Variants in CDKAL1 observed in about 807,000 individuals in gnomAD.
CDKAL1 encodes CDKAL1 threonylcarbamoyladenosine tRNA methylthiotransferase.
Under a neutral mutation model 68.2 loss-of-function variants are expected in CDKAL1, and 32 were observed. That is an observed-to-expected ratio of 0.47 (90% CI 0.35 to 0.63). The LOEUF is 0.63. CDKAL1 is among the 30% of genes least tolerant of loss of function. CDKAL1 has a pLI of 0.00. For missense variants in CDKAL1, 606 were observed against 696.7 expected, an observed-to-expected ratio of 0.87 and a Z score of 1.47; for synonymous variants, 234 against 244.3, an observed-to-expected ratio of 0.96 and a Z score of 0.39.
intron 5 of CDKAL1, among the ~76,000 whole-genome samples, chr6:20,659,097 G>A (rs1248719734): frequency 1.3e-5 from 2 of 152,062 alleles, no homozygotes; most frequent in African/African-American, 4.8e-5. Context: ...GCCTCCCAAA[G>A]TGTTGGGGAT....
At chr6:20,966,938 T>G (rs920507409) in intron 10 of CDKAL1, among the ~76,000 whole-genome samples, 4 of 152,202 alleles carry the variant, frequency 2.6e-5, no homozygotes, top group Admixed American at 1.3e-4. Flanking sequence ...TTATTGCGTT[T>G]GTATTGGTTT....
At chr6:20,781,791 G>A (rs759780266) in intron 8 of CDKAL1, among the ~76,000 whole-genome samples, 10 of 151,840 alleles carry the variant, frequency 6.6e-5, no homozygotes, top group Non-Finnish European at 1.3e-4. Flanking sequence ...ATAACTCTTG[G>A]TATACTCATT....
intron 5 of CDKAL1, among the ~76,000 whole-genome samples, chr6:20,714,378 CTTTTTTTTTTTTTT>C (rs545162371): frequency 6.9e-5 from 5 of 72,738 alleles, no homozygotes; most frequent in South Asian, 9.2e-4. Context: ...ATTGTCTGTT[CTTTTTTTTTTTTTT>C]TTTTTTTTTT....
intron 13 of CDKAL1, among the ~76,000 whole-genome samples, chr6:21,176,550 G>T (rs572724972): frequency 2.6e-5 from 4 of 152,160 alleles, no homozygotes; most frequent in Non-Finnish European, 5.9e-5. Context: ...ATTTATTTGC[G>T]TAGCAAGCCG....
intron 13 of CDKAL1, among the ~76,000 whole-genome samples, chr6:21,172,396 A>G (rs1435270437): frequency 6.6e-6 from 1 of 151,796 alleles, no homozygotes; most frequent in African/African-American, 2.4e-5. Context: ...CATTTTCTGT[A>G]TTTTTTCCCA....
chr6:20,791,521 G>A (rs2150391123), intron 8 of CDKAL1, among the ~76,000 whole-genome samples: 1 of 152,260 alleles, frequency 6.6e-6, no homozygotes, highest in Admixed American at 6.5e-5. Flanking sequence ...TGAAAGGAAA[G>A]CCACTTAGAG....
chr6:20,848,777 T>C (rs990685328), intron 9 of CDKAL1, among the ~76,000 whole-genome samples: 2 of 151,788 alleles, frequency 1.3e-5, no homozygotes, highest in Non-Finnish European at 2.9e-5. Context: ...GTGGTTGTTT[T>C]TTTCTTTCTT....
chr6:21,178,851 C>T (rs1319263490), intron 13 of CDKAL1, among the ~76,000 whole-genome samples: 3 of 152,310 alleles, frequency 2.0e-5, no homozygotes, highest in South Asian at 2.1e-4. Flanking sequence ...GGCTTGAAGC[C>T]GAACTCCAAC....
chr6:20,588,819 G>C (rs1008382514), intron 4 of CDKAL1, among the ~76,000 whole-genome samples: 6 of 152,054 alleles, frequency 3.9e-5, no homozygotes, highest in Non-Finnish European at 8.8e-5. Context: ...AGATATTACA[G>C]TCCTAAAAAT....
intron 8 of CDKAL1, among the ~76,000 whole-genome samples, chr6:20,807,136 G>A (rs1469421315): frequency 6.6e-6 from 1 of 152,164 alleles, no homozygotes; most frequent in Non-Finnish European, 1.5e-5. Context: ...ATTTTGACTT[G>A]CTCTACCACA....
intron 5 of CDKAL1, among the ~76,000 whole-genome samples, chr6:20,672,561 A>G (rs1228600759): frequency 6.6e-6 from 1 of 151,950 alleles, no homozygotes; most frequent in East Asian, 1.9e-4. Context: ...CATATTGGCC[A>G]GGTGGCTGGT....
intron 8 of CDKAL1, among the ~76,000 whole-genome samples, chr6:20,793,448 G>T (rs979229657): frequency 2.6e-5 from 4 of 152,140 alleles, no homozygotes; most frequent in African/African-American, 9.6e-5. Context: ...TACTGCTGAA[G>T]GCAAATTTTC....
chr6:21,025,957 T>C (rs905970508), intron 11 of CDKAL1, among the ~76,000 whole-genome samples: 1 of 152,210 alleles, frequency 6.6e-6, no homozygotes, highest in African/African-American at 2.4e-5. Context: ...CATCATTGTT[T>C]TGAATGAACA....
At chr6:20,715,561 G>T (rs1337332024) in intron 5 of CDKAL1, among the ~76,000 whole-genome samples, 2 of 152,036 alleles carry the variant, frequency 1.3e-5, no homozygotes, top group African/African-American at 2.4e-5. Flanking sequence ...ATCTTTTTGG[G>T]GTATATGCCC....
intron 9 of CDKAL1, among the ~76,000 whole-genome samples, chr6:20,934,451 G>A (rs1000128261): frequency 6.6e-6 from 1 of 152,072 alleles, no homozygotes; most frequent in Non-Finnish European, 1.5e-5. Flanking sequence ...ATCATTTTCT[G>A]CAGATTATCA....
chr6:21,172,281 C>T (rs932326239), intron 13 of CDKAL1, among the ~76,000 whole-genome samples: 2 of 152,146 alleles, frequency 1.3e-5, no homozygotes, highest in Admixed American at 1.3e-4. Context: ...TCATGATGTT[C>T]GTACCCCAAG....
rs576218984 is a variant in CDKAL1, at chr6:20,568,751, C to CA, written c.286+20053dup. On this transcript the variant is annotated intron_variant, in intron 4 of 15. Transcript: ENST00000274695. ...CTCCGCCTCAAAAAAAAAAAAAAAA[C>CA]AAAAAAACAAAAAAACAAAGAAATG... Among the ~76,000 whole-genome samples, 81 of 133,860 alleles carry CA rather than the reference C, an allele frequency of 6.1e-4. 1 individual carries two copies. The highest frequency in any genetic ancestry group is 2.7e-3 in the East Asian group (13 of 4,732). 87.8% of individuals were successfully genotyped at this position (133,860 alleles called of 152,430 possible).
At chr6:21,181,332 T>C (rs919542885) in intron 13 of CDKAL1, among the ~76,000 whole-genome samples, 3 of 152,200 alleles carry the variant, frequency 2.0e-5, no homozygotes, top group African/African-American at 7.2e-5. Flanking sequence ...TGTGGTTATA[T>C]TGGGTGTTGG....
intron 10 of CDKAL1, among the ~76,000 whole-genome samples, chr6:20,980,480 G>A (rs917238256): frequency 3.3e-5 from 5 of 151,830 alleles, no homozygotes; most frequent in South Asian, 2.1e-4. Flanking sequence ...CTCGTGATCC[G>A]CCCGCCTCAG....
Sources: gnomAD v4.1 joint callset for allele counts (sites outside exome capture counted in the v4.1 genomes callset) on GRCh38, gnomAD v4.1.1 for gene constraint, MANE v1.5 for transcripts, NCBI Gene and HGNC (gene_info 2026-07-23, HGNC 2026-07-21) for gene names.